Variants in TMTC1 observed in about 807,000 individuals in gnomAD.
TMTC1 encodes the protein protein O-mannosyl-transferase TMTC1.
In TMTC1, 73 loss-of-function variants were observed where a neutral mutation model predicts 104.8. The observed-to-expected ratio is 0.70, with a 90% CI of 0.58 to 0.85. TMTC1 has a LOEUF of 0.85. Among genes scored for constraint, TMTC1 ranks in the 40% least tolerant of loss-of-function variants. The pLI is 0.00. For synonymous variants in TMTC1, 434 were observed against 428.7 expected (o/e 1.01, Z -0.15); for missense variants, 1,035 against 1,096.1 (o/e 0.94, Z 0.79).
At chr12:29,574,992 C>T (rs1343244535) in intron 8 of TMTC1, among the ~76,000 whole-genome samples, 1 of 152,080 alleles carries the variant, frequency 6.6e-6, no homozygotes, top group Non-Finnish European at 1.5e-5. Context: ...CCCTGGGGCC[C>T]ATCTGCCTGG....
chr12:29,686,735 T>C (rs1439684187), intron 5 of TMTC1, among the ~76,000 whole-genome samples: 1 of 152,262 alleles, frequency 6.6e-6, no homozygotes, highest in Non-Finnish European at 1.5e-5. Flanking sequence ...GAATGTTTTC[T>C]AACATTCTCT....
chr12:29,668,942 A>T (rs564762186), intron 5 of TMTC1, among the ~76,000 whole-genome samples: 1 of 152,348 alleles, frequency 6.6e-6, no homozygotes, highest in Non-Finnish European at 1.5e-5. Context: ...AGGTTGAAAC[A>T]CAAGTGCCAT....
chr12:29,640,782 G>A (rs575075431), intron 5 of TMTC1: 11 of 152,358 alleles, frequency 7.2e-5, no homozygotes, highest in African/African-American at 1.9e-4. Context: ...GCCAGAACTC[G>A]GGGGAGGGTG....
At chr12:29,740,223 A>C (rs537060264) in intron 5 of TMTC1, among the ~76,000 whole-genome samples, 2 of 152,296 alleles carry the variant, frequency 1.3e-5, no homozygotes, top group Non-Finnish European at 2.9e-5. Context: ...GTGATGGTTA[A>C]TACTGAGTGT....
At chr12:29,768,329 G>A (rs574589047) in intron 1 of TMTC1, among the ~76,000 whole-genome samples, 55 of 152,282 alleles carry the variant, frequency 3.6e-4, no homozygotes, top group Non-Finnish European at 2.2e-4. Context: ...TCACTGAGAA[G>A]GCAAGCAAAC....
chr12:29,605,020 T>C (rs1181956888), intron 6 of TMTC1, among the ~76,000 whole-genome samples: 1 of 152,186 alleles, frequency 6.6e-6, no homozygotes, highest in Non-Finnish European at 1.5e-5. Context: ...TGTTTATTAC[T>C]GATAATATGT....
chr12:29,736,990 T>C (rs760032931), intron 5 of TMTC1, among the ~76,000 whole-genome samples: 1 of 152,252 alleles, frequency 6.6e-6, no homozygotes, highest in Admixed American at 6.5e-5. Context: ...GAGCCCAGGA[T>C]TGCCTCTATC....
chr12:29,537,924 C>A (rs1034597004), intron 10 of TMTC1, among the ~76,000 whole-genome samples: 5 of 152,184 alleles, frequency 3.3e-5, no homozygotes, highest in Admixed American at 6.5e-5. Flanking sequence ...CCAACATAGA[C>A]CTTGGATTTA....
chr12:29,677,785 A>G (rs952461483), intron 5 of TMTC1, among the ~76,000 whole-genome samples: 2 of 152,236 alleles, frequency 1.3e-5, no homozygotes, highest in African/African-American at 2.4e-5. Context: ...CCGCAGCATC[A>G]CAGTGCTTGT....
chr12:29,702,535 G>C (rs1253913210), intron 5 of TMTC1, among the ~76,000 whole-genome samples: 3 of 152,166 alleles, frequency 2.0e-5, no homozygotes, highest in Non-Finnish European at 4.4e-5. Context: ...AGCGAGCAGA[G>C]AATAAGAATA....
At chr12:29,567,878 T>C (rs1349629000) in intron 9 of TMTC1, among the ~76,000 whole-genome samples, 1 of 152,220 alleles carries the variant, frequency 6.6e-6, no homozygotes, top group South Asian at 2.1e-4. Flanking sequence ...AAAGGAATTA[T>C]AATAAAGTAG....
intron 5 of TMTC1, among the ~76,000 whole-genome samples, chr12:29,749,571 T>A (rs74082510): frequency 0.053 from 8,056 of 152,162 alleles, 204 homozygotes; most frequent in South Asian, 0.12. Context: ...AAATTCACGA[T>A]TTCCCCAATT....
chr12:29,723,428 A>C (rs1322507214), intron 5 of TMTC1, among the ~76,000 whole-genome samples: 1 of 152,138 alleles, frequency 6.6e-6, no homozygotes, highest in East Asian at 1.9e-4. Context: ...AGGAACACAA[A>C]AGAGAAACCA....
intron 7 of TMTC1, among the ~76,000 whole-genome samples, chr12:29,599,804 C>T (rs529527460): frequency 1.2e-4 from 19 of 152,056 alleles, no homozygotes; most frequent in Non-Finnish European, 2.6e-4. Context: ...TCCTATTGTT[C>T]ACTAAAGTTT....
intron 5 of TMTC1, among the ~76,000 whole-genome samples, chr12:29,659,617 G>GT (rs1939922014): frequency 6.6e-6 from 1 of 152,044 alleles, no homozygotes; most frequent in Admixed American, 6.5e-5. Flanking sequence ...GTCTCCAGTA[G>GT]TTTTTTTATA....
At chr12:29,634,844 C>T (rs1938471871) in intron 5 of TMTC1, among the ~76,000 whole-genome samples, 1 of 152,148 alleles carries the variant, frequency 6.6e-6, no homozygotes, top group Non-Finnish European at 1.5e-5. Flanking sequence ...AAGTTACTTT[C>T]CAGTGTGAAG....
chr12:29,589,433 A>G (rs1435818965), intron 7 of TMTC1, among the ~76,000 whole-genome samples: 1 of 152,220 alleles, frequency 6.6e-6, no homozygotes. Context: ...ATATAAACCC[A>G]GGAATTTCAG....
chr12:29,637,966 C>T (rs1470397923), intron 5 of TMTC1, among the ~76,000 whole-genome samples: 4 of 152,184 alleles, frequency 2.6e-5, no homozygotes, highest in African/African-American at 9.7e-5. Flanking sequence ...CTCACCTCCT[C>T]TTAGGAAGGC....
chr12:29,672,077 A>C (rs741613), intron 5 of TMTC1, among the ~76,000 whole-genome samples: 31,961 of 152,090 alleles, frequency 0.21, 3,749 homozygotes, highest in East Asian at 0.28. Flanking sequence ...GGTGAAGTGG[A>C]AGTTCCAATC....
Sources: gnomAD v4.1 joint callset for allele counts (sites outside exome capture counted in the v4.1 genomes callset) on GRCh38, gnomAD v4.1.1 for gene constraint, MANE v1.5 for transcripts, NCBI Gene and HGNC (gene_info 2026-07-23, HGNC 2026-07-21) for gene names.